The following BACE1 variants were observed in gnomAD, a reference collection of about 807,000 sequenced individuals.
The protein encoded by BACE1 is APP beta-secretase.
Under a neutral mutation model 54.0 loss-of-function variants are expected in BACE1, and 21 were observed. The observed-to-expected ratio is 0.39, with a 90% CI of 0.28 to 0.56. The LOEUF (loss-of-function observed/expected upper bound fraction) is 0.56, where lower values mean the gene tolerates loss of function less well. Among genes scored for constraint, BACE1 ranks in the 20% least tolerant of loss-of-function variants. BACE1 has a pLI of 0.63. For synonymous variants in BACE1, 232 were observed against 260.9 expected, an observed-to-expected ratio of 0.89 and a Z score of 1.07; for missense variants, 511 against 661.2, an observed-to-expected ratio of 0.77 and a Z score of 2.49.
intron 6 of BACE1, among the ~76,000 whole-genome samples, chr11:117,291,278 GT>G (rs61070756): frequency 0.02 from 2,761 of 141,436 alleles, 72 homozygotes; most frequent in African/African-American, 0.059. Flanking sequence ...AAGGGGAAGA[GT>G]TTTTTTTTTT....
At chr11:117,307,428 C>A (rs2034855000) in intron 1 of BACE1, among the ~76,000 whole-genome samples, 1 of 152,208 alleles carries the variant, frequency 6.6e-6, no homozygotes, top group Non-Finnish European at 1.5e-5. Context: ...TCTCCTGCCT[C>A]AGCCTCCTGA....
intron 2 of BACE1, chr11:117,295,800 C>T (rs563095561): frequency 9.6e-6 from 6 of 624,180 alleles, no homozygotes; most frequent in Non-Finnish European, 1.2e-5. Context: ...GAATGTGGAA[C>T]CTCTACAGCA....
In BACE1 at chr11:117,289,613, G is replaced by A. The variant is rs138644093; in HGVS notation, c.1459C>T (p.Arg487Cys). ...VCQWRCLRCL[R>C]QQHDDFADDI... ...TCAGCAAAGTCATCATGCTGCTGGCGCAGGCAGCGGAGGCAGCGCCACTGA... is the reference window on the plus strand; with the variant it reads ...TCAGCAAAGTCATCATGCTGCTGGCACAGGCAGCGGAGGCAGCGCCACTGA... The change falls in exon 9 of 9, where the codon CGC (arginine) becomes TGC (cysteine). Residue 487 changes from arginine to cysteine, a missense_variant. Transcript: ENST00000313005. 107 of 1,614,020 alleles carry A rather than the reference G, an allele frequency of 6.6e-5. No homozygotes were observed. Among genetic ancestry groups the A allele is most frequent in the Middle Eastern group, 1.6e-4 (1 of 6,084 alleles).
rs59652945 is a variant in BACE1 at position 117,304,964 on chromosome 11, CT to C, written c.262-8004del. ...TATGACCCTATGGACTCTTCCTATT[CT>C]TTTTTTTTTTTTTTTGAGGTGGGTT... On this transcript the variant is annotated intron_variant, in intron 1 of 8. Coordinates refer to ENST00000313005, the MANE Select transcript of BACE1 (RefSeq NM_012104.6). Among the ~76,000 whole-genome samples the C allele has an allele frequency of 4.3e-3, 542 of 125,470 alleles. 2 individuals are homozygous for C. Among genetic ancestry groups the C allele is most frequent in the South Asian group, 5.2e-3 (21 of 4,014 alleles). The allele number at this position is 125,470 out of a possible 152,430, so 82.3% of individuals were successfully genotyped here. A position where few individuals can be genotyped will look rare whatever the true frequency, so the allele number is the denominator to read the frequency against.
rs1289787708 is a variant in BACE1 at position 117,290,951 on chromosome 11, G to A, written c.1041C>T (p.Tyr347=). The part of the protein sequence containing the change: ...PWNIFPVISL[Y]LMGEVTNQSF... ...ACTGGTTGGTAACCTCACCCATTAG[G>A]TAGAGTGAGATGACTGGGAAAATGT... Residue 347 remains tyrosine (Y), a synonymous_variant, in exon 7 of 9, where the codon TAC becomes TAT. Transcript: ENST00000313005. The A allele has an allele frequency of 1.2e-6, 2 of 1,614,170 alleles. No individual in the cohort carries two copies. The highest frequency in any genetic ancestry group is 1.7e-6 in the Non-Finnish European group (2 of 1,180,008).
At chr11:117,306,455 G>C (rs919914161) in intron 1 of BACE1, among the ~76,000 whole-genome samples, 2 of 152,118 alleles carry the variant, frequency 1.3e-5, no homozygotes, top group African/African-American at 4.8e-5. Flanking sequence ...AAGCCATTGG[G>C]AGATGCTAGA....
intron 1 of BACE1, among the ~76,000 whole-genome samples, chr11:117,303,277 T>C (rs2034763530): frequency 6.6e-6 from 1 of 152,164 alleles, no homozygotes; most frequent in African/African-American, 2.4e-5. Flanking sequence ...AGGAGACAGA[T>C]GCCCAGGGAG....
Position 117,289,354 on chromosome 11 carries a change from T to G in BACE1, c.*212A>C. On this transcript the variant is annotated 3_prime_UTR_variant, in exon 9 of 9. Coordinates refer to ENST00000313005, the MANE Select transcript of BACE1 (RefSeq NM_012104.6). ...AAGAGTATTCCCGCCAGCAGAGTGC[T>G]TCTTTCTTCTCTTTTCTGTTTCCTA... 1.4e-6 allele frequency: 1 copy of G among 719,602 alleles called. No individual in the cohort carries two copies. Among genetic ancestry groups the G allele is most frequent in the South Asian group, 2.4e-5 (1 of 42,014 alleles). 44.6% of individuals were successfully genotyped at this position (719,602 alleles called of 1,614,324 possible). A position where few individuals can be genotyped will look rare whatever the true frequency, so the allele number is the denominator to read the frequency against.
chr11:117,291,656 A>G (rs577986178), intron 6 of BACE1, 56 bp downstream of exon 6: 3 of 1,292,374 alleles, frequency 2.3e-6, no homozygotes, highest in African/African-American at 1.5e-5. Flanking sequence ...TGTGACTCTC[A>G]CCGCCTCCCT....
rs1257576964 is a variant in BACE1, at chr11:117,287,281, TCTC to T, written c.*2282_*2284del. ...AGTGTTGGCGACCCCTGTTCTCCCT[TCTC>T]CCTCTGTCCACTGGCCTGCAATGAT... On this transcript the variant is annotated 3_prime_UTR_variant, in exon 9 of 9. Transcript: ENST00000313005. 6.6e-6 allele frequency: 1 copy of T among 152,464 alleles called. No homozygotes were observed. Among genetic ancestry groups the T allele is most frequent in the African/African-American group, 2.4e-5 (1 of 41,416 alleles). 9.4% of individuals were successfully genotyped at this position (152,464 alleles called of 1,614,324 possible).
At chr11:117,306,802 C>A (rs1047012481) in intron 1 of BACE1, among the ~76,000 whole-genome samples, 1 of 151,942 alleles carries the variant, frequency 6.6e-6, no homozygotes, top group Non-Finnish European at 1.5e-5. Context: ...CAGAGTGAGA[C>A]CCTGTCTCAA....
At chr11:117,297,130 C>T (rs1272886536) in intron 1 of BACE1, 169 bp from the exon 2 acceptor site, 1 of 589,024 alleles carries the variant, frequency 1.7e-6, no homozygotes, top group African/African-American at 1.9e-5. Context: ...CGACCACAGA[C>T]AGGACCTGGG....
At chr11:117,291,678 C>T in intron 6 of BACE1, 34 bp downstream of exon 6, 1 of 1,473,778 alleles carries the variant, frequency 6.8e-7, no homozygotes, top group Non-Finnish European at 9.5e-7. Context: ...TGACACTGTA[C>T]CATCTCTTTT....
chr11:117,298,883 G>A (rs1473718818), intron 1 of BACE1, among the ~76,000 whole-genome samples: 1 of 152,146 alleles, frequency 6.6e-6, no homozygotes, highest in African/African-American at 2.4e-5. Context: ...TCGGCTCACT[G>A]CCATCTCCGC....
At chr11:117,292,995 TC>T in intron 5 of BACE1, 58 bp downstream of exon 5, 2 of 1,583,362 alleles carry the variant, frequency 1.3e-6, no homozygotes, top group Non-Finnish European at 1.7e-6. Flanking sequence ...ACCAGAGTCT[TC>T]CTTCACATTG....
At chr11:117,311,120 C>G (rs1477322005) in intron 1 of BACE1, among the ~76,000 whole-genome samples, 2 of 151,982 alleles carry the variant, frequency 1.3e-5, no homozygotes, top group Admixed American at 6.6e-5. Flanking sequence ...TAATAGGAGG[C>G]TAAGGTGGAA....
At chr11:117,295,483 C>T (rs1472701607) in intron 2 of BACE1, 136 bp from the exon 3 acceptor site, 2 of 1,537,096 alleles carry the variant, frequency 1.3e-6, no homozygotes, top group South Asian at 2.4e-5. Flanking sequence ...CTCAGCAAAA[C>T]ATCCCTAGAC....
Position 117,315,911 on chromosome 11 carries a change from T to C in BACE1, c.-116A>G, listed in dbSNP as rs2035105642. The C allele has an allele frequency of 5.7e-6, 7 of 1,226,228 alleles. No individual in the cohort carries two copies. Among genetic ancestry groups the C allele is most frequent in the Non-Finnish European group, 7.4e-6 (7 of 945,142 alleles). 76.0% of individuals were successfully genotyped at this position (1,226,228 alleles called of 1,614,324 possible). A position where few individuals can be genotyped will look rare whatever the true frequency, so the allele number is the denominator to read the frequency against. ...TCTCAGGAGAGGGAGCTTGGGGGCA[T>C]CAGGACGCCAGGGCCTGCAGGGCCC... On this transcript the variant is annotated 5_prime_UTR_variant, in exon 1 of 9. An upstream start codon of the reference 5' UTR is lost. Coordinates refer to ENST00000313005, the MANE Select transcript of BACE1 (RefSeq NM_012104.6). The surrounding 1 kb of genome is among the most constrained non-coding windows in gnomAD (Gnocchi z 5.5).
In BACE1 at chr11:117,287,905, T is replaced by C. The variant is rs563291305; in HGVS notation, c.*1661A>G. On this transcript the variant is annotated 3_prime_UTR_variant, in exon 9 of 9. Coordinates refer to ENST00000313005, the MANE Select transcript of BACE1 (RefSeq NM_012104.6). ...CCTCCTTGTATTTCCCTCTCCCTTA[T>C]CAGGTAATTCCACACTTAGCAGGTC... 8.3e-4 allele frequency: 127 copies of C among 152,756 alleles called. No individual in the cohort carries two copies. Among genetic ancestry groups the C allele is most frequent in the Non-Finnish European group, 1.1e-3 (77 of 68,036 alleles). 9.5% of individuals were successfully genotyped at this position (152,756 alleles called of 1,614,324 possible).
Sources: gnomAD v4.1 joint callset for allele counts (sites outside exome capture counted in the v4.1 genomes callset) on GRCh38, gnomAD v4.1.1 for gene constraint, Gnocchi (gnomAD v3.1) non-coding constraint, MANE v1.5 for transcripts, NCBI Gene and HGNC (gene_info 2026-07-23, HGNC 2026-07-21) for gene names.